The following MBOAT2 variants were observed in gnomAD, a reference collection of about 807,000 sequenced individuals.
The protein encoded by MBOAT2 is membrane bound glycerophospholipid O-acyltransferase 2, also known as membrane-bound glycerophospholipid O-acyltransferase 2.
A neutral mutation model predicts 63.4 loss-of-function variants in MBOAT2; 28 were observed. The observed-to-expected ratio is 0.44, with a 90% CI of 0.33 to 0.61. The LOEUF (loss-of-function observed/expected upper bound fraction) is 0.61, where lower values mean the gene tolerates loss of function less well. MBOAT2 is among the 20% of genes least tolerant of loss of function. The pLI, the probability that MBOAT2 is intolerant of heterozygous loss-of-function variation, is 0.03. For synonymous variants in MBOAT2, 211 were observed against 215.6 expected (o/e 0.98, Z 0.19); for missense variants, 470 against 605.8 (o/e 0.78, Z 2.35).
chr2:8,862,111 C>T lies in MBOAT2; in HGVS notation c.1185+479G>A, dbSNP rs1661538024. Among the ~76,000 whole-genome samples the T allele has an allele frequency of 6.6e-6, 1 of 152,144 alleles. No individual in the cohort carries two copies. The highest frequency in any genetic ancestry group is 1.5e-5 in the Non-Finnish European group (1 of 68,030). On this transcript the variant is annotated intron_variant, in intron 11 of 12. Transcript: ENST00000305997. The surrounding 1 kb of genome is among the most constrained non-coding windows in gnomAD (Gnocchi z 4.3). ...CAACCTAATTTCTCAATTGTTTCCCCAAAATATTACTCTATGTTCTGTCTA... is the reference window on the plus strand; with the variant it reads ...CAACCTAATTTCTCAATTGTTTCCCTAAAATATTACTCTATGTTCTGTCTA...
intron 3 of MBOAT2, among the ~76,000 whole-genome samples, chr2:8,932,204 T>C (rs905149758): frequency 6.6e-6 from 1 of 152,182 alleles, no homozygotes; most frequent in African/African-American, 2.4e-5. Flanking sequence ...ATATTTTTAG[T>C]CAGTTGATAT....
At chr2:8,916,775 CTTT>C (rs1558612433) in intron 3 of MBOAT2, among the ~76,000 whole-genome samples, 1 of 152,200 alleles carries the variant, frequency 6.6e-6, no homozygotes, top group Non-Finnish European at 1.5e-5. Flanking sequence ...TGAATACTAA[CTTT>C]TTTATCTCTA....
intron 6 of MBOAT2, among the ~76,000 whole-genome samples, chr2:8,878,815 G>A (rs576084534): frequency 5.8e-4 from 88 of 152,206 alleles, no homozygotes; most frequent in African/African-American, 2.0e-3. Context: ...GGTGGCTCAC[G>A]CCTGTAATCC....
In MBOAT2 at chr2:8,868,456, T is replaced by G; in HGVS notation, c.977A>C (p.Gln326Pro). The change falls in exon 9 of 13, where the codon CAA (glutamine) becomes CCA (proline). Residue 326 changes from glutamine to proline, a missense_variant. This residue lies in a region of MBOAT2 where 376 missense variants were observed against 503.8 expected (regional missense o/e 0.75). Transcript: ENST00000305997. ...RWDLISNLRI[Q>P]QIEMSTSFKM... Reference sequence around the variant, plus strand: ...TAAAGATTGACTCACCTCTATTTGTTGAATTCTCAAATTGGAAATTAAGTC... The same window carrying G: ...TAAAGATTGACTCACCTCTATTTGTGGAATTCTCAAATTGGAAATTAAGTC... 1 of 1,613,726 alleles carries G rather than the reference T, an allele frequency of 6.2e-7. No individual in the cohort carries two copies. Among genetic ancestry groups the G allele is most frequent in the Non-Finnish European group, 8.5e-7 (1 of 1,179,816 alleles).
Position 8,943,247 on chromosome 2 carries a change from A to G in MBOAT2, c.239T>C (p.Leu80Pro). 1 of 1,583,380 alleles carries G rather than the reference A, an allele frequency of 6.3e-7. No homozygotes were observed. The highest frequency in any genetic ancestry group is 8.6e-7 in the Non-Finnish European group (1 of 1,160,518). ...FCFGWYALHFLVQSGISYCIM... is the reference protein window; with the variant it reads ...FCFGWYALHFPVQSGISYCIM... The stretch of plus-strand genomic sequence containing the variant: ...ACAGTAGGAAATTCCACTTTGTACA[A>G]GAAAGTGTAAGGCATACCTATAAAA... The change falls in exon 3 of 13, where the codon CTT (leucine) becomes CCT (proline). Residue 80 changes from leucine to proline, a missense_variant. Transcript: ENST00000305997.
intron 1 of MBOAT2, among the ~76,000 whole-genome samples, chr2:8,999,486 C>T (rs909631186): frequency 6.6e-6 from 1 of 152,164 alleles, no homozygotes; most frequent in African/African-American, 2.4e-5. Context: ...AAAATAAAAA[C>T]ACTCTAAAAA....
intron 2 of MBOAT2, among the ~76,000 whole-genome samples, chr2:8,944,328 T>C (rs1034446621): frequency 6.6e-6 from 1 of 152,112 alleles, no homozygotes; most frequent in Admixed American, 6.6e-5. Context: ...ACACACACTC[T>C]CTCCACTTTC....
intron 1 of MBOAT2, among the ~76,000 whole-genome samples, chr2:8,980,021 G>A (rs962446880): frequency 6.6e-6 from 1 of 152,118 alleles, no homozygotes; most frequent in Non-Finnish European, 1.5e-5. Flanking sequence ...CTACACAGCT[G>A]ATAAAGGTCA....
At chr2:8,983,646 A>G (rs905173791) in intron 1 of MBOAT2, among the ~76,000 whole-genome samples, 2 of 152,200 alleles carry the variant, frequency 1.3e-5, no homozygotes, top group Non-Finnish European at 2.9e-5. Context: ...ACTTGATGTG[A>G]TAACTGGTAA....
chr2:8,994,897 A>G (rs1672165840), intron 1 of MBOAT2, among the ~76,000 whole-genome samples: 1 of 152,252 alleles, frequency 6.6e-6, no homozygotes, highest in Admixed American at 6.5e-5. Flanking sequence ...GAGTTAAAAG[A>G]GAGAAAATGT....
At chr2:8,897,246 CCT>C (rs749435525) in intron 4 of MBOAT2, among the ~76,000 whole-genome samples, 1 of 151,792 alleles carries the variant, frequency 6.6e-6, no homozygotes, top group Non-Finnish European at 1.5e-5. Flanking sequence ...TCTCTTTCAT[CCT>C]CTCTCTTTCT....
At chr2:9,001,712 T>C (rs1672702179) in intron 1 of MBOAT2, among the ~76,000 whole-genome samples, 1 of 152,222 alleles carries the variant, frequency 6.6e-6, no homozygotes. Context: ...GAACTTTCTC[T>C]GGATGCTTAA....
intron 7 of MBOAT2, among the ~76,000 whole-genome samples, chr2:8,874,020 C>T (rs1247607514): frequency 1.3e-5 from 2 of 152,170 alleles, no homozygotes; most frequent in East Asian, 3.8e-4. Context: ...GAAAAAGAAA[C>T]AAGCGAAGAG....
chr2:8,941,582 T>C (rs1444603592), intron 3 of MBOAT2, among the ~76,000 whole-genome samples: 2 of 151,410 alleles, frequency 1.3e-5, no homozygotes, highest in Non-Finnish European at 2.9e-5. Context: ...GAGAATCGCT[T>C]AAACCCGGGA....
At chr2:8,978,411 A>C (rs1417052429) in intron 1 of MBOAT2, among the ~76,000 whole-genome samples, 3 of 152,188 alleles carry the variant, frequency 2.0e-5, no homozygotes, top group Admixed American at 2.0e-4. Context: ...ATTTTTCATT[A>C]TATAAAATGA....
rs35972110 is a variant in MBOAT2 at position 8,959,636 on chromosome 2, ATT to A, written c.76-996_76-995del. ...ACCACCATGCCGAGCTAATCTGTGC[ATT>A]TTTTTGTAAAGACAAAGTGTCACTA... On this transcript the variant is annotated intron_variant, in intron 1 of 12. Coordinates refer to ENST00000305997, the MANE Select transcript of MBOAT2 (RefSeq NM_138799.4). Among the ~76,000 whole-genome samples the A allele has an allele frequency of 2.0e-5, 3 of 151,828 alleles. No homozygotes were observed. In the South Asian group the frequency reaches 6.2e-4, roughly 32 times the overall value.
chr2:8,989,814 A>G (rs1671802182), intron 1 of MBOAT2, among the ~76,000 whole-genome samples: 1 of 152,228 alleles, frequency 6.6e-6, no homozygotes, highest in African/African-American at 2.4e-5. Flanking sequence ...CTGCACCAGA[A>G]GAAGTGTTCA....
chr2:8,864,035 G>T, intron 10 of MBOAT2, 135 bp downstream of exon 10: 1 of 602,452 alleles, frequency 1.7e-6, no homozygotes, highest in Non-Finnish European at 2.9e-6. Context: ...GAGGCTAACA[G>T]TGTTTCCCGG....
chr2:8,995,155 A>C (rs979898581), intron 1 of MBOAT2, among the ~76,000 whole-genome samples: 1 of 152,172 alleles, frequency 6.6e-6, no homozygotes, highest in Non-Finnish European at 1.5e-5. Context: ...TAATCCGGCA[A>C]TCTCACTACT....
Sources: allele counts gnomAD v4.1 joint callset (sites outside exome capture counted in the v4.1 genomes callset), GRCh38; gene constraint gnomAD v4.1.1; regional missense constraint gnomAD v4.1.1; non-coding constraint Gnocchi (gnomAD v3.1); transcripts MANE v1.5; gene names NCBI Gene and HGNC (gene_info 2026-07-23, HGNC 2026-07-21).